Variants in RRM2 observed in about 807,000 individuals in gnomAD.
The protein encoded by RRM2 is ribonucleoside-diphosphate reductase subunit M2.
A neutral mutation model predicts 45.9 loss-of-function variants in RRM2; 6 were observed. The observed-to-expected ratio is 0.13, with a 90% CI of 0.07 to 0.26. The LOEUF (loss-of-function observed/expected upper bound fraction) is 0.26. RRM2 is among the 10% of genes least tolerant of loss of function. RRM2 has a pLI of 1.00. For synonymous variants in RRM2, 177 were observed against 173.0 expected, an observed-to-expected ratio of 1.02 and a Z score of -0.18; for missense variants, 343 against 489.5, an observed-to-expected ratio of 0.70 and a Z score of 2.82.
At chr2:10,187,232 G>A (rs1308826147) in intron 3 of RRM2, among the ~76,000 whole-genome samples, 1 of 152,218 alleles carries the variant, frequency 6.6e-6, no homozygotes, top group Non-Finnish European at 1.5e-5. Context: ...GGGTCCCGCA[G>A]GAAGATCAGC....
chr2:10,137,054 A>C (rs935483740), upstream of RRM2, among the ~76,000 whole-genome samples: 4 of 152,246 alleles, frequency 2.6e-5, no homozygotes, highest in African/African-American at 9.6e-5. Context: ...GAAGTAAATC[A>C]ATACATTCCT....
rs1367153687 is a variant in RRM2 at position 10,127,646 on chromosome 2, C to T, written c.798+426C>T. 2.0e-5 allele frequency among the ~76,000 whole-genome samples: 3 copies of T among 151,640 alleles called. No individual in the cohort carries two copies. The highest frequency in any genetic ancestry group is 4.4e-5 in the Non-Finnish European group (3 of 67,898). ...CCTGCCACCATGCCCAGCTAATTTT[C>T]GTCTTTTTATACAGACGGGGTTTCA... is the stretch of plus-strand genomic sequence containing the variant. On this transcript the variant is annotated intron_variant, in intron 7 of 9. Transcript: ENST00000304567. This position sits in a 1 kb window ranked among gnomAD's most constrained non-coding sequence, Gnocchi z 4.1.
intron 3 of RRM2, among the ~76,000 whole-genome samples, chr2:10,151,139 GTTGTATATAACAA>G (rs1384089526): frequency 6.6e-6 from 1 of 152,054 alleles, no homozygotes; most frequent in Non-Finnish European, 1.5e-5. Flanking sequence ...AAGTCCATCA[GTTGTATATAACAA>G]TGGTTCATTC....
chr2:10,198,405 ATT>A (rs756036632), intron 3 of RRM2, among the ~76,000 whole-genome samples: 30 of 135,992 alleles, frequency 2.2e-4, no homozygotes, highest in Middle Eastern at 3.7e-3. Context: ...TCTTTGGCCC[ATT>A]TTTTTTTTTT....
upstream of RRM2, among the ~76,000 whole-genome samples, chr2:10,138,174 T>C (rs1264356739): frequency 6.6e-6 from 1 of 151,400 alleles, no homozygotes; most frequent in African/African-American, 2.4e-5. Context: ...CTAATTTTTT[T>C]TTTTTTTTTT....
Position 10,124,008 on chromosome 2 carries a change from G to A in RRM2, c.435+156G>A, listed in dbSNP as rs1395579968. 2.9e-5 allele frequency: 19 copies of A among 657,426 alleles called. No individual in the cohort carries two copies. The South Asian group carries it at 3.0e-4, about 11-fold the overall frequency. The allele number at this position is 657,426 out of a possible 1,614,324, so 40.7% of individuals were successfully genotyped here. On this transcript the variant is annotated intron_variant, in intron 4 of 9. Coordinates refer to ENST00000304567, the MANE Select transcript of RRM2 (RefSeq NM_001034.4). ...GGCATTTCCTGTTTTGTAACACTTT[G>A]CAGTTCTTTCTTATGGTATTTTCCC...
chr2:10,209,464 G>A (rs1255918883), intron 3 of RRM2, among the ~76,000 whole-genome samples: 1 of 152,166 alleles, frequency 6.6e-6, no homozygotes. Flanking sequence ...TGTTTTGTCT[G>A]CCCAGTCTCT....
intron 3 of RRM2, among the ~76,000 whole-genome samples, chr2:10,173,980 G>C (rs889591888): frequency 2.0e-5 from 3 of 152,204 alleles, no homozygotes; most frequent in African/African-American, 4.8e-5. Flanking sequence ...TGATTGAACT[G>C]TGTCCCCTGC....
intron 3 of RRM2, among the ~76,000 whole-genome samples, chr2:10,183,249 C>A (rs1023952057): frequency 2.6e-5 from 4 of 152,204 alleles, no homozygotes; most frequent in Admixed American, 2.6e-4. Context: ...CACTGGCTAC[C>A]CAGCACTTAC....
At chr2:10,175,194 C>A (rs966263999) in intron 3 of RRM2, among the ~76,000 whole-genome samples, 1 of 152,242 alleles carries the variant, frequency 6.6e-6, no homozygotes, top group African/African-American at 2.4e-5. Flanking sequence ...TAGAGCATGG[C>A]CAGTGCCCAG....
At chr2:10,208,890 C>G (rs115904261) in intron 3 of RRM2, among the ~76,000 whole-genome samples, 1 of 152,034 alleles carries the variant, frequency 6.6e-6, no homozygotes, top group South Asian at 2.1e-4. Flanking sequence ...ACAGATGCCC[C>G]GTCCCTGTGC....
chr2:10,160,880 C>T (rs560407604), intron 3 of RRM2, among the ~76,000 whole-genome samples: 3 of 152,302 alleles, frequency 2.0e-5, no homozygotes, highest in East Asian at 3.9e-4. Flanking sequence ...CTGTTGCCTG[C>T]GCCCCTGCAG....
intron 3 of RRM2, among the ~76,000 whole-genome samples, chr2:10,164,104 C>T (rs1033904890): frequency 7.3e-5 from 11 of 151,576 alleles, no homozygotes; most frequent in African/African-American, 2.7e-4. Context: ...GTGTGTGTGG[C>T]TGTGTTGGAT....
In RRM2 at chr2:10,195,662, C is replaced by G. The variant is rs921465797; in HGVS notation, n.483-14649C>G. 1.3e-5 allele frequency among the ~76,000 whole-genome samples: 2 copies of G among 152,146 alleles called. No homozygotes were observed. Among genetic ancestry groups the G allele is most frequent in the African/African-American group, 4.8e-5 (2 of 41,412 alleles). ...CCTCGGGTGGACCCATGTGGCAGAC[C>G]TGTGAGTTGGTCCCCGACAGCCTCC... On this transcript the variant is annotated intron_variant and non_coding_transcript_variant, in intron 3 of 3. Transcript: ENST00000381786. This position sits in a 1 kb window ranked among gnomAD's most constrained non-coding sequence, Gnocchi z 4.9.
intron 5 of RRM2, among the ~76,000 whole-genome samples, chr2:10,125,515 C>T (rs2125306622): frequency 6.6e-6 from 1 of 152,252 alleles, no homozygotes; most frequent in East Asian, 1.9e-4. Flanking sequence ...ACCATCCTGG[C>T]TAACACGGTG....
intron 3 of RRM2, among the ~76,000 whole-genome samples, chr2:10,143,607 G>A (rs1243631197): frequency 6.6e-6 from 1 of 151,880 alleles, no homozygotes; most frequent in African/African-American, 2.4e-5. Context: ...GGGCCTGGTT[G>A]AGATCATGAC....
chr2:10,200,433 G>A (rs965042254), intron 3 of RRM2, among the ~76,000 whole-genome samples: 3 of 137,898 alleles, frequency 2.2e-5, no homozygotes, highest in Non-Finnish European at 4.8e-5. Context: ...CAGGGACCGC[G>A]CGCGCAAAAT....
At chr2:10,201,888 A>G (rs1389577006) in intron 3 of RRM2, among the ~76,000 whole-genome samples, 4 of 152,272 alleles carry the variant, frequency 2.6e-5, no homozygotes, top group Non-Finnish European at 4.4e-5. Context: ...TAATTTTTAT[A>G]CCAAATAAGC....
intron 3 of RRM2, among the ~76,000 whole-genome samples, chr2:10,199,800 A>AAAAAAAAAAAAAAAAAAAAAAAAAAAAC (rs1572534126): frequency 4.1e-5 from 4 of 97,894 alleles, no homozygotes; most frequent in African/African-American, 1.2e-4. Flanking sequence ...AAAAAAAAAA[A>AAAAAAAAAAAAAAAAAAAAAAAAAAAAC]AAAAAAAAAC....
Sources: allele counts gnomAD v4.1 joint callset (sites outside exome capture counted in the v4.1 genomes callset), GRCh38; gene constraint gnomAD v4.1.1; non-coding constraint Gnocchi (gnomAD v3.1); transcripts MANE v1.5; gene names NCBI Gene and HGNC (gene_info 2026-07-23, HGNC 2026-07-21).